Variants in KIAA1549 observed in about 807,000 individuals in gnomAD.
The protein encoded by KIAA1549 is UPF0606 protein KIAA1549.
KIAA1549 carries 70 observed loss-of-function variants against 156.4 expected under a neutral mutation model. The ratio of observed to expected loss-of-function variants is 0.45; its 90% CI spans 0.37 to 0.55. The LOEUF (loss-of-function observed/expected upper bound fraction) is 0.55. Ranked by LOEUF, KIAA1549 falls within the 20% of genes least tolerant of loss-of-function variation. The pLI is 0.00. For missense variants in KIAA1549, 2,428 were observed against 2,540.9 expected (o/e 0.96, Z 0.96); for synonymous variants, 1,103 against 1,066.4 (o/e 1.03, Z -0.67).
In KIAA1549 at chr7:138,916,851, A is replaced by G. The variant is rs776410002; in HGVS notation, c.2775T>C (p.Thr925=). Residue 925 remains threonine (T), a synonymous_variant, in exon 2 of 20, where the codon ACT becomes ACC. Coordinates refer to ENST00000422774, the MANE Select transcript of KIAA1549 (RefSeq NM_001164665.2). ...APPLPSLRPV[T]AFTLEATVDT... is the part of the protein sequence containing the mutation. ...CGACTGTTGCTTCGAGAGTGAAGGCAGTCACGGGACGCAGGGATGGCAGGG... is the reference window on the plus strand; with the variant it reads ...CGACTGTTGCTTCGAGAGTGAAGGCGGTCACGGGACGCAGGGATGGCAGGG... 1 of 1,614,020 alleles carries G rather than the reference A, an allele frequency of 6.2e-7. No individual in the cohort carries two copies. The highest frequency in any genetic ancestry group is 1.1e-5 in the South Asian group (1 of 91,060).
In KIAA1549 at chr7:138,832,383, G is replaced by T. The variant is rs1809562557; in HGVS notation, c.*5523C>A. The T allele has an allele frequency of 1.6e-5, 3 of 190,168 alleles. No homozygotes were observed. In the Admixed American group the frequency reaches 1.9e-4, roughly 12 times the overall value. 11.8% of individuals were successfully genotyped at this position (190,168 alleles called of 1,614,324 possible). On this transcript the variant is annotated 3_prime_UTR_variant, in exon 20 of 20. Coordinates refer to ENST00000422774, the MANE Select transcript of KIAA1549 (RefSeq NM_001164665.2). Reference sequence around the variant, plus strand: ...AGCTAATTTTTAAATTTTTTTTGTAGAGACGGGGTCTCGTTATGTTGCCCA... The same window carrying T: ...AGCTAATTTTTAAATTTTTTTTGTATAGACGGGGTCTCGTTATGTTGCCCA...
intron 10 of KIAA1549, among the ~76,000 whole-genome samples, chr7:138,890,689 G>C (rs1478119955): frequency 6.6e-6 from 1 of 152,176 alleles, no homozygotes; most frequent in African/African-American, 2.4e-5. Context: ...AGCAACCATA[G>C]GGAATGAGCT....
intron 17 of KIAA1549, 144 bp from the exon 18 acceptor site, chr7:138,844,618 T>C (rs1810021463): frequency 2.7e-6 from 2 of 745,144 alleles, no homozygotes; most frequent in Non-Finnish European, 3.9e-6. Context: ...GGAAGAGATG[T>C]TTCTCCTGCT....
rs765115844 is a variant in KIAA1549, at chr7:138,881,518, C to A, written c.4099G>T (p.Asp1367Tyr). 1.9e-6 allele frequency: 3 copies of A among 1,613,860 alleles called. No individual in the cohort carries two copies. Among genetic ancestry groups the A allele is most frequent in the African/African-American group, 1.3e-5 (1 of 74,908 alleles). The change falls in exon 11 of 20, where the codon GAC becomes TAC. Residue 1367 changes from aspartate (D) to tyrosine (Y), a missense_variant. By Grantham distance (160) the Asp-to-Tyr change is radical. This residue lies in a region of KIAA1549 where 762 missense variants were observed against 901.6 expected (regional missense o/e 0.85). Transcript: ENST00000422774. ...KQHLGQHNKD[D>Y]ILIIHEPAPL... The stretch of plus-strand genomic sequence containing the variant: ...GCTGGCTCATGAATAATCAATATGT[C>A]GTCTTTATTGTGCTGACCCAGATGC...
Position 138,978,706 on chromosome 7 carries a change from C to T in KIAA1549, c.187+2377G>A, listed in dbSNP as rs185212464. 4.7e-4 allele frequency among the ~76,000 whole-genome samples: 71 copies of T among 152,272 alleles called. 1 individual carries two copies. In the East Asian group the frequency reaches 0.012, roughly 26 times the overall value. On this transcript the variant is annotated intron_variant, in intron 1 of 19. Transcript: ENST00000422774. ...ATAGGAAGTCCAAAACAGGTCTAAG[C>T]CATGCCATTTTCTGACTACCACTGC...
At chr7:138,857,432 T>C (rs1810426286) in intron 16 of KIAA1549, among the ~76,000 whole-genome samples, 1 of 152,240 alleles carries the variant, frequency 6.6e-6, no homozygotes, top group African/African-American at 2.4e-5. Context: ...TATGAAAATA[T>C]GCTTTGTTTC....
chr7:138,870,065 G>A (rs1376665610), intron 13 of KIAA1549, among the ~76,000 whole-genome samples: 1 of 151,806 alleles, frequency 6.6e-6, no homozygotes, highest in East Asian at 1.9e-4. Context: ...TGGCCAGGCT[G>A]GTCTCGAACT....
At position 138,861,157 on chromosome 7, in the gene KIAA1549, C is replaced by T. The variant is rs933271585; in HGVS notation, c.5229G>A (p.Thr1743=). The T allele has an allele frequency of 1.1e-5, 17 of 1,613,704 alleles. No individual in the cohort carries two copies. Among genetic ancestry groups the T allele is most frequent in the African/African-American group, 4.0e-5 (3 of 74,938 alleles). Residue 1743 remains threonine (T), a synonymous_variant, in exon 16 of 20, where the codon ACG becomes ACA. Coordinates refer to ENST00000422774, the MANE Select transcript of KIAA1549 (RefSeq NM_001164665.2). ...QWGSFYSPAQ[T]ANNPCSRYED... ...TACTTACACTGCAGGGATTGTTGGC[C>T]GTCTGGGCTGGGCTGTAGAAGGACC...
At chr7:138,968,859 CAAA>C (rs75576327) in intron 1 of KIAA1549, among the ~76,000 whole-genome samples, 4 of 66,474 alleles carry the variant, frequency 6.0e-5, no homozygotes, top group Non-Finnish European at 9.5e-5. Flanking sequence ...GACTCCGTCT[CAAA>C]AAAAAAAAAA....
At position 138,916,853 on chromosome 7, in the gene KIAA1549, T is replaced by C. The variant is rs759470202; in HGVS notation, c.2773A>G (p.Thr925Ala). 1.9e-6 allele frequency: 3 copies of C among 1,613,892 alleles called. No homozygotes were observed. Among genetic ancestry groups the C allele is most frequent in the Non-Finnish European group, 2.5e-6 (3 of 1,179,866 alleles). ...ACTGTTGCTTCGAGAGTGAAGGCAG[T>C]CACGGGACGCAGGGATGGCAGGGGA... ...APPLPSLRPV[T>A]AFTLEATVDT... is the part of the protein sequence containing the mutation. Residue 925 changes from threonine (T) to alanine (A), a missense_variant, in exon 2 of 20, where the codon ACT becomes GCT. Physicochemically the swap from Thr to Ala is moderately conservative, Grantham distance 58. Around this residue, in one of 5 missense-constraint regions of KIAA1549, gnomAD observed 762 missense variants for 901.6 expected, o/e 0.85. Coordinates refer to ENST00000422774, the MANE Select transcript of KIAA1549 (RefSeq NM_001164665.2).
At position 138,869,701 on chromosome 7, in the gene KIAA1549, G is replaced by T; in HGVS notation, c.4612C>A (p.Arg1538Ser). ...TCGTAGTGCCCGCGGCGCTTGGCGC[G>T]CAGGCGGATCTTGTTGCGATGGTGC... Reference protein sequence around the residue: ...IEHHRNKIRLRAKRRGHYEFP... With the variant: ...IEHHRNKIRLSAKRRGHYEFP... Residue 1538 changes from arginine to serine, a missense_variant, in exon 14 of 20, where the codon CGC (arginine) becomes AGC (serine). Around this residue, in one of 5 missense-constraint regions of KIAA1549, gnomAD observed 404 missense variants for 417.0 expected, o/e 0.97. Coordinates refer to ENST00000422774, the MANE Select transcript of KIAA1549 (RefSeq NM_001164665.2). 6.2e-7 allele frequency: 1 copy of T among 1,612,194 alleles called. No individual in the cohort carries two copies. Among genetic ancestry groups the T allele is most frequent in the Non-Finnish European group, 8.5e-7 (1 of 1,179,848 alleles).
intron 1 of KIAA1549, among the ~76,000 whole-genome samples, chr7:138,928,412 G>A (rs534052787): frequency 2.6e-5 from 4 of 151,720 alleles, no homozygotes; most frequent in East Asian, 1.9e-4. Context: ...TCAGCCTCCC[G>A]AGTAGCTGAG....
rs1812351080 is a variant in KIAA1549 at position 138,917,107 on chromosome 7, G to C, written c.2519C>G (p.Thr840Ser). 1 of 1,611,508 alleles carries C rather than the reference G, an allele frequency of 6.2e-7. No individual in the cohort carries two copies. The highest frequency in any genetic ancestry group is 8.5e-7 in the Non-Finnish European group (1 of 1,178,788). The change falls in exon 2 of 20, where the codon ACT becomes AGT. Residue 840 changes from threonine (T) to serine (S), a missense_variant. By Grantham distance (58) the Thr-to-Ser change is moderately conservative. Around this residue, in one of 5 missense-constraint regions of KIAA1549, gnomAD observed 762 missense variants for 901.6 expected, o/e 0.85. Coordinates refer to ENST00000422774, the MANE Select transcript of KIAA1549 (RefSeq NM_001164665.2). ...GGATCCTGATGGCAGGTACGCGTCA[G>C]TGATCAACACCGTACCAGTGGGAAT... is the stretch of plus-strand genomic sequence containing the variant. ...KAIPTGTVLI[T>S]DAYLPSGSSF...
intron 16 of KIAA1549, among the ~76,000 whole-genome samples, chr7:138,855,443 G>C (rs904752263): frequency 6.6e-6 from 1 of 152,204 alleles, no homozygotes; most frequent in Non-Finnish European, 1.5e-5. Flanking sequence ...AATTAAGAAG[G>C]TGTTGGTGAG....
chr7:138,966,377 GAACT>G (rs943687164), intron 1 of KIAA1549, among the ~76,000 whole-genome samples: 2 of 151,996 alleles, frequency 1.3e-5, no homozygotes, highest in Admixed American at 6.6e-5. Context: ...TAGAGGGACA[GAACT>G]AATAGGATAG....
In KIAA1549 at chr7:138,861,177, A is replaced by G; in HGVS notation, c.5209T>C (p.Phe1737Leu). 1 of 1,613,862 alleles carries G rather than the reference A, an allele frequency of 6.2e-7. No homozygotes were observed. The highest frequency in any genetic ancestry group is 1.1e-5 in the South Asian group (1 of 91,064). ...EERRATQWGS[F>L]YSPAQTANNP... ...TTGGCCGTCTGGGCTGGGCTGTAGAAGGACCCCCACTGGGTGGCTCGCCTC... is the reference window on the plus strand; with the variant it reads ...TTGGCCGTCTGGGCTGGGCTGTAGAGGGACCCCCACTGGGTGGCTCGCCTC... Residue 1737 changes from phenylalanine to leucine, a missense_variant, in exon 16 of 20, where the codon TTC becomes CTC. Phe to Leu is a conservative substitution (Grantham distance 22). Coordinates refer to ENST00000422774, the MANE Select transcript of KIAA1549 (RefSeq NM_001164665.2).
At chr7:138,843,021 T>C (rs939986708) in intron 18 of KIAA1549, among the ~76,000 whole-genome samples, 2 of 152,188 alleles carry the variant, frequency 1.3e-5, no homozygotes, top group African/African-American at 2.4e-5. Context: ...GCTCTGTAAG[T>C]CCTACCGCCA....
At chr7:138,952,149 C>T (rs1473457374) in intron 1 of KIAA1549, among the ~76,000 whole-genome samples, 2 of 152,174 alleles carry the variant, frequency 1.3e-5, no homozygotes, top group East Asian at 3.8e-4. Context: ...GATCCACCCA[C>T]AGAGGTTCTG....
At chr7:138,842,607 C>T (rs752791393) in intron 18 of KIAA1549, among the ~76,000 whole-genome samples, 11 of 151,550 alleles carry the variant, frequency 7.3e-5, no homozygotes, top group African/African-American at 1.5e-4. Flanking sequence ...GCAGGAGAAT[C>T]GCTTGAACAC....
Sources: gnomAD v4.1 joint callset for allele counts (sites outside exome capture counted in the v4.1 genomes callset) on GRCh38, gnomAD v4.1.1 for gene constraint, gnomAD v4.1.1 regional missense constraint, MANE v1.5 for transcripts, NCBI Gene and HGNC (gene_info 2026-07-23, HGNC 2026-07-21) for gene names.